RBL2: variants seen among roughly 807,000 people sequenced by gnomAD.
The protein encoded by RBL2 is retinoblastoma-like protein 2.
Under a neutral mutation model 126.0 loss-of-function variants are expected in RBL2, and 56 were observed. The observed-to-expected ratio is 0.44, with a 90% CI of 0.36 to 0.56. RBL2 has a LOEUF of 0.56. RBL2 is among the 20% of genes least tolerant of loss of function. The pLI is 0.00. For missense variants in RBL2, 1,229 were observed against 1,398.2 expected, an observed-to-expected ratio of 0.88 and a Z score of 1.93; for synonymous variants, 454 against 478.5, an observed-to-expected ratio of 0.95 and a Z score of 0.67.
At position 53,464,236 on chromosome 16, in the gene RBL2, A is replaced by C. The variant is rs773526641; in HGVS notation, c.1571A>C (p.Glu524Ala). 3 of 1,574,014 alleles carry C rather than the reference A, an allele frequency of 1.9e-6. No individual in the cohort carries two copies. The highest frequency in any genetic ancestry group is 2.6e-6 in the Non-Finnish European group (3 of 1,161,508). The stretch of plus-strand genomic sequence containing the variant: ...AACTTTATTTTATAGGGTATTCTGG[A>C]ACAAGATGCGTTCCACAGATCTCTC... ...LGDMDLSGIL[E>A]QDAFHRSLLA... Residue 524 changes from glutamate to alanine, a missense_variant, in exon 12 of 22, where the codon GAA (glutamate) becomes GCA (alanine). Coordinates refer to ENST00000262133, the MANE Select transcript of RBL2 (RefSeq NM_005611.4).
intron 17 of RBL2, among the ~76,000 whole-genome samples, chr16:53,476,224 A>G (rs980516778): frequency 3.3e-5 from 5 of 151,704 alleles, no homozygotes; most frequent in Non-Finnish European, 7.4e-5. Flanking sequence ...TTTCAAAAGT[A>G]TTTTCTGATT....
intron 4 of RBL2, 130 bp downstream of exon 4, chr16:53,447,236 G>T (rs1467989848): frequency 2.0e-6 from 1 of 488,756 alleles, no homozygotes; most frequent in Non-Finnish European, 3.6e-6. Flanking sequence ...TTTAATCCTA[G>T]ATTCTTTTTT....
chr16:53,489,818 T>C (rs1252263091), intron 21 of RBL2: 1 of 207,956 alleles, frequency 4.8e-6, no homozygotes, highest in African/African-American at 2.3e-5. Flanking sequence ...AATGTAATGC[T>C]CCCTAATTGT....
Position 53,470,911 on chromosome 16 carries a change from G to T in RBL2, c.2692G>T (p.Val898Leu), listed in dbSNP as rs1471629988. ...LDQLLMCAIY[V>L]MAKVTKEDKS... is the part of the protein sequence containing the mutation. Reference sequence around the variant, plus strand: ...CCAGTTATTAATGTGTGCCATTTATGTGATGGCAAAGGTGAGTACCATTTG... The same window carrying T: ...CCAGTTATTAATGTGTGCCATTTATTTGATGGCAAAGGTGAGTACCATTTG... The change falls in exon 17 of 22, where the codon GTG becomes TTG. Residue 898 changes from valine (V) to leucine (L), a missense_variant. Coordinates refer to ENST00000262133, the MANE Select transcript of RBL2 (RefSeq NM_005611.4). 4.3e-6 allele frequency: 7 copies of T among 1,612,168 alleles called. No individual in the cohort carries two copies. In the African/African-American group the frequency reaches 9.4e-5, roughly 22 times the overall value.
chr16:53,481,631 A>T (rs755190314), intron 20 of RBL2, 40 bp from the exon 21 acceptor site: 6 of 1,445,806 alleles, frequency 4.1e-6, no homozygotes, highest in Non-Finnish European at 5.6e-6. Flanking sequence ...ATAATTATAA[A>T]TTTTTTTCTT....
At chr16:53,464,630 A>T (rs2058254143) in intron 12 of RBL2, 2 of 264,514 alleles carry the variant, frequency 7.6e-6, no homozygotes, top group Non-Finnish European at 7.0e-6. Flanking sequence ...TTATGAGCTG[A>T]GAAGGCTTAA....
rs767543053 is a variant in RBL2, at chr16:53,469,906, T to C, written c.1976-10T>C. The C allele has an allele frequency of 1.2e-5, 18 of 1,536,364 alleles. No individual in the cohort carries two copies. Among genetic ancestry groups the C allele is most frequent in the Non-Finnish European group, 1.5e-5 (17 of 1,138,132 alleles). On this transcript the variant is annotated splice_polypyrimidine_tract_variant and intron_variant, in intron 14 of 21. Transcript: ENST00000262133. ...AGTTAAATGCTTTGTTTGATTTGTT[T>C]TGACCCTAGGCATAACATCTCCAAC...
At chr16:53,439,317 T>A (rs2057991730) in intron 2 of RBL2, among the ~76,000 whole-genome samples, 171 bp downstream of exon 2, 1 of 152,242 alleles carries the variant, frequency 6.6e-6, no homozygotes, top group Admixed American at 6.5e-5. Flanking sequence ...ATATCACAGT[T>A]AATATCCATT....
At chr16:53,476,906 C>A (rs1960744878) in intron 17 of RBL2, among the ~76,000 whole-genome samples, 1 of 152,084 alleles carries the variant, frequency 6.6e-6, no homozygotes, top group African/African-American at 2.4e-5. Flanking sequence ...ATTTGGATTT[C>A]TTTTGCCTTT....
chr16:53,463,321 TTC>T (rs751222940), intron 11 of RBL2, among the ~76,000 whole-genome samples: 6 of 152,038 alleles, frequency 3.9e-5, no homozygotes. Context: ...CTGCCTGCCT[TTC>T]TGTTTTTTTG....
In RBL2 at chr16:53,467,114, T is replaced by G; in HGVS notation, c.1920T>G (p.Pro640=). The G allele has an allele frequency of 1.2e-6, 2 of 1,614,058 alleles. No homozygotes were observed. The highest frequency in any genetic ancestry group is 1.7e-6 in the Non-Finnish European group (2 of 1,179,950). The change falls in exon 14 of 22, where the codon CCT becomes CCG. Residue 640 remains proline, a synonymous_variant. Coordinates refer to ENST00000262133, the MANE Select transcript of RBL2 (RefSeq NM_005611.4). ...ATGAAATTTGCATTGCTGGCTCCCC[T>G]TTGACTCCCAGAAGGGTGACTGAAG... ...RADEICIAGS[P]LTPRRVTEVR... is the part of the protein sequence containing the mutation.
intron 12 of RBL2, 124 bp downstream of exon 12, chr16:53,464,487 CTA>C (rs1219778646): frequency 2.4e-6 from 2 of 840,300 alleles, no homozygotes; most frequent in Admixed American, 6.4e-5. Flanking sequence ...TAGTTAATCT[CTA>C]TTTGTGGAGT....
chr16:53,458,950 C>T (rs1449547108), intron 8 of RBL2, among the ~76,000 whole-genome samples: 2 of 152,204 alleles, frequency 1.3e-5, no homozygotes, highest in African/African-American at 4.8e-5. Context: ...ATAGCCAAAC[C>T]ATATCAGTAG....
intron 7 of RBL2, chr16:53,454,108 C>T (rs2058142617): frequency 4.9e-6 from 2 of 404,426 alleles, no homozygotes; most frequent in African/African-American, 2.1e-5. Context: ...CCGGAAGTTG[C>T]ACCTACCAGC....
chr16:53,440,844 A>G (rs1309379465), intron 2 of RBL2, among the ~76,000 whole-genome samples: 1 of 151,564 alleles, frequency 6.6e-6, no homozygotes, highest in Admixed American at 6.6e-5. Context: ...GTGAGCCACC[A>G]TGCCTGGCCA....
chr16:53,481,471 C>T (rs1163903699), intron 20 of RBL2, 200 bp from the exon 21 acceptor site: 3 of 508,944 alleles, frequency 5.9e-6, no homozygotes, highest in Non-Finnish European at 1.0e-5. Context: ...ATAAAAATTG[C>T]TTAAAATAAT....
chr16:53,464,446 T>A, intron 12 of RBL2, 83 bp downstream of exon 12: 1 of 1,167,796 alleles, frequency 8.6e-7, no homozygotes, highest in Non-Finnish European at 1.2e-6. Flanking sequence ...CAAGTTAACA[T>A]CTAAGAACAT....
At position 53,465,523 on chromosome 16, in the gene RBL2, A is replaced by G. The variant is rs760363620; in HGVS notation, c.1784A>G (p.Asp595Gly). 13 of 1,608,194 alleles carry G rather than the reference A, an allele frequency of 8.1e-6. No homozygotes were observed. The highest frequency in any genetic ancestry group is 2.3e-5 in the East Asian group (1 of 44,428). The change falls in exon 13 of 22, where the codon GAT becomes GGT. Residue 595 changes from aspartate to glycine, a missense_variant. Asp to Gly is a moderately conservative substitution (Grantham distance 94, BLOSUM62 -1). Around this residue, in one of 2 missense-constraint regions of RBL2, gnomAD observed 1,070 missense variants for 1,274.3 expected, o/e 0.84. Coordinates refer to ENST00000262133, the MANE Select transcript of RBL2 (RefSeq NM_005611.4). ...HLNQIEEQIL[D>G]HLAWKPESPL... is the part of the protein sequence containing the mutation. ...AATCAGATTGAAGAACAGATCTTAGATCATTTGGCATGGAAACCAGAGTCT... is the reference window on the plus strand; with the variant it reads ...AATCAGATTGAAGAACAGATCTTAGGTCATTTGGCATGGAAACCAGAGTCT...
chr16:53,485,338 T>C (rs1231455499), intron 21 of RBL2, among the ~76,000 whole-genome samples: 1 of 152,150 alleles, frequency 6.6e-6, no homozygotes, highest in Non-Finnish European at 1.5e-5. Flanking sequence ...CAAGAGAAAT[T>C]AGAAAATATT....
Sources: gnomAD v4.1 joint callset for allele counts (sites outside exome capture counted in the v4.1 genomes callset) on GRCh38, gnomAD v4.1.1 for gene constraint, gnomAD v4.1.1 regional missense constraint, MANE v1.5 for transcripts, NCBI Gene and HGNC (gene_info 2026-07-23, HGNC 2026-07-21) for gene names.